The following GCFC2 variants were observed in gnomAD, a reference collection of about 807,000 sequenced individuals.
GCFC2 encodes the protein GC-rich sequence DNA-binding factor 2, also known as intron Large complex component GCFC2.
A neutral mutation model predicts 99.4 loss-of-function variants in GCFC2; 102 were observed. The ratio of observed to expected loss-of-function variants is 1.03; its 90% CI spans 0.87 to 1.21. GCFC2 has a LOEUF of 1.21. Among genes scored for constraint, GCFC2 ranks in the 50% most tolerant of loss-of-function variants. GCFC2 has a pLI of 0.00. For missense variants in GCFC2, 973 were observed against 920.9 expected (o/e 1.06, Z -0.73); for synonymous variants, 338 against 316.8 (o/e 1.07, Z -0.71).
chr2:75,689,151 A>G lies in GCFC2; in HGVS notation c.1414T>C (p.Leu472=). ...DDFCNIQNIL[L]KFQQWREKFP... is the part of the protein sequence containing the mutation. ...TTTTCTCGCCATTGCTGAAATTTCAACAAAATATTCTGGATGTTACAAAAA... is the reference window on the plus strand; with the variant it reads ...TTTTCTCGCCATTGCTGAAATTTCAGCAAAATATTCTGGATGTTACAAAAA... The change falls in exon 10 of 17, where the codon TTG becomes CTG. Residue 472 remains leucine, a synonymous_variant. Coordinates refer to ENST00000321027, the MANE Select transcript of GCFC2 (RefSeq NM_003203.5). The G allele has an allele frequency of 6.2e-7, 1 of 1,604,742 alleles. No individual in the cohort carries two copies. The highest frequency in any genetic ancestry group is 8.5e-7 in the Non-Finnish European group (1 of 1,172,768).
At chr2:75,686,356 C>A (rs917437017) in intron 11 of GCFC2, among the ~76,000 whole-genome samples, 2 of 152,122 alleles carry the variant, frequency 1.3e-5, no homozygotes, top group African/African-American at 4.8e-5. Flanking sequence ...CTGCCTCGGC[C>A]TTGCAAAGTG....
At chr2:75,712,518 G>C (rs1294426478), upstream of GCFC2, among the ~76,000 whole-genome samples, 1 of 152,196 alleles carries the variant, frequency 6.6e-6, no homozygotes, top group Non-Finnish European at 1.5e-5. Context: ...CAGGATGTGG[G>C]TGGGGCCAGA....
upstream of GCFC2, chr2:75,711,290 G>T: frequency 3.6e-6 from 3 of 839,266 alleles, no homozygotes; most frequent in Non-Finnish European, 4.3e-6. Flanking sequence ...TAAAACAAAC[G>T]AAACCCCAGC....
intron 1 of GCFC2, among the ~76,000 whole-genome samples, chr2:75,709,210 T>C (rs1282200154): frequency 6.6e-6 from 1 of 152,134 alleles, no homozygotes; most frequent in Non-Finnish European, 1.5e-5. Flanking sequence ...AAAAGCTCTT[T>C]GGAATCCTTA....
chr2:75,694,246 C>A lies in GCFC2; in HGVS notation c.1015G>T (p.Glu339Ter). The A allele has an allele frequency of 1.1e-6, 1 of 875,418 alleles. No individual in the cohort carries two copies. Among genetic ancestry groups the A allele is most frequent in the South Asian group, 1.8e-5 (1 of 55,652 alleles). 54.2% of individuals were successfully genotyped at this position (875,418 alleles called of 1,614,324 possible). ...YVENLIDCLN[E>*]KIINIQEIES... is the part of the protein sequence containing the mutation. ...AAATAAATATTGATATGTACCTTTT[C>A]ATTAAGGCAGTCAATTAAATTTTCC... is the stretch of plus-strand genomic sequence containing the variant. The change falls in exon 6 of 17, where the codon GAA becomes TAA. Residue 339 changes from glutamate (E) to a stop codon, truncating the protein, a stop_gained. Coordinates refer to ENST00000321027, the MANE Select transcript of GCFC2 (RefSeq NM_003203.5). LOFTEE classifies it high-confidence loss of function.
chr2:75,710,600 C>A lies in GCFC2; in HGVS notation c.256G>T (p.Glu86Ter), dbSNP rs760785073. The change falls in exon 1 of 17, where the codon GAA becomes TAA. Residue 86 changes from glutamate to a stop codon, truncating the protein, a stop_gained. Transcript: ENST00000321027. LOFTEE classifies it high-confidence loss of function. ...GCGTCTCCCTGGACACCTGAGCCTTCGTCCGCGCGGGGAGCCGCTTTGGTG... is the reference window on the plus strand; with the variant it reads ...GCGTCTCCCTGGACACCTGAGCCTTAGTCCGCGCGGGGAGCCGCTTTGGTG... ...RATKAAPRADEGSESRTLDVS... is the reference protein window; with the variant it reads ...RATKAAPRAD 4 of 1,514,350 alleles carry A rather than the reference C, an allele frequency of 2.6e-6. No individual in the cohort carries two copies. The African/African-American group carries it at 5.7e-5, about 22-fold the overall frequency. The allele number at this position is 1,514,350 out of a possible 1,614,324, so 93.8% of individuals were successfully genotyped here.
chr2:75,695,801 AGGCTGCT>A (rs1438125867), intron 5 of GCFC2, among the ~76,000 whole-genome samples: 1 of 152,232 alleles, frequency 6.6e-6, no homozygotes, highest in Admixed American at 6.5e-5. Flanking sequence ...TGTGACTAAC[AGGCTGCT>A]GGCTTACAGA....
At chr2:75,680,372 A>G in intron 11 of GCFC2, 58 bp from the exon 12 acceptor site, 1 of 1,439,060 alleles carries the variant, frequency 6.9e-7, no homozygotes, top group East Asian at 2.3e-5. Flanking sequence ...TGCTTTTCAT[A>G]TACAAATAAT....
intron 15 of GCFC2, 150 bp from the exon 16 acceptor site, chr2:75,666,203 G>A (rs1466599927): frequency 5.3e-6 from 3 of 568,126 alleles, no homozygotes; most frequent in East Asian, 6.2e-5. Context: ...TTCCCTTTGT[G>A]TCCAAGGCTA....
Position 75,663,964 on chromosome 2 carries a change from A to G in GCFC2, c.*702T>C, listed in dbSNP as rs1678718884. The G allele has an allele frequency of 6.6e-6, 1 of 152,226 alleles. No homozygotes were observed. Among genetic ancestry groups the G allele is most frequent in the Non-Finnish European group, 1.5e-5 (1 of 68,040 alleles). 9.4% of individuals were successfully genotyped at this position (152,226 alleles called of 1,614,324 possible). ...ATATCTTTAAAAATATAAAGGTCTT[A>G]AAGTCCATAAGAAAAAGATGGATAT... is the stretch of plus-strand genomic sequence containing the variant. On this transcript the variant is annotated 3_prime_UTR_variant, in exon 17 of 17. Transcript: ENST00000321027.
Position 75,702,230 on chromosome 2 carries a change from T to C in GCFC2, c.588A>G (p.Gln196=). 1 of 1,609,290 alleles carries C rather than the reference T, an allele frequency of 6.2e-7. No individual in the cohort carries two copies. The highest frequency in any genetic ancestry group is 1.1e-5 in the South Asian group (1 of 90,976). ...CCTCAGCCATCCTTTGTCTAAGTGT[T>C]TGAGGTCTTAGAGTAAATGGTATTC... is the stretch of plus-strand genomic sequence containing the variant. ...EKRIPFTLRP[Q]TLRQRMAEES... is the part of the protein sequence containing the mutation. The change falls in exon 3 of 17, where the codon CAA becomes CAG. Residue 196 remains glutamine (Q), a synonymous_variant. Coordinates refer to ENST00000321027, the MANE Select transcript of GCFC2 (RefSeq NM_003203.5).
chr2:75,668,591 A>G (rs181086544), intron 15 of GCFC2, among the ~76,000 whole-genome samples: 1 of 152,284 alleles, frequency 6.6e-6, no homozygotes, highest in East Asian at 1.9e-4. Flanking sequence ...AAATTCTTCA[A>G]AAACATAACT....
intron 12 of GCFC2, among the ~76,000 whole-genome samples, chr2:75,678,989 C>A (rs1042523565): frequency 1.3e-5 from 2 of 152,232 alleles, no homozygotes; most frequent in African/African-American, 4.8e-5. Context: ...ATCTGCCATA[C>A]CTGGCGATCA....
At chr2:75,692,817 T>G (rs1025449030) in intron 6 of GCFC2, among the ~76,000 whole-genome samples, 1 of 151,948 alleles carries the variant, frequency 6.6e-6, no homozygotes, top group African/African-American at 2.4e-5. Context: ...CTGGTGAAAT[T>G]TGAAAAATCG....
upstream of GCFC2, among the ~76,000 whole-genome samples, chr2:75,712,573 C>A (rs538720407): frequency 1.3e-5 from 2 of 152,156 alleles, no homozygotes; most frequent in Admixed American, 6.5e-5. Flanking sequence ...TGGCAACCCG[C>A]TCCGGTCCCC....
At chr2:75,665,853 ATCTT>A in intron 16 of GCFC2, 72 bp downstream of exon 16, 1 of 907,014 alleles carries the variant, frequency 1.1e-6, no homozygotes, top group Non-Finnish European at 1.6e-6. Context: ...AAAAATACAA[ATCTT>A]TCTAAAAGTT....
chr2:75,680,415 A>AT, intron 11 of GCFC2, 101 bp from the exon 12 acceptor site: 1 of 887,550 alleles, frequency 1.1e-6, no homozygotes, highest in Middle Eastern at 3.2e-4. Flanking sequence ...TTCCCTCCTT[A>AT]TTCAGTTTAA....
intron 12 of GCFC2, among the ~76,000 whole-genome samples, chr2:75,677,622 A>G (rs1679402923): frequency 6.6e-6 from 1 of 152,174 alleles, no homozygotes; most frequent in Non-Finnish European, 1.5e-5. Flanking sequence ...CCCTGATGTA[A>G]TCTATTCTCC....
Position 75,706,215 on chromosome 2 carries a change from G to C in GCFC2, c.394+308C>G, listed in dbSNP as rs757055945. Reference sequence around the variant, plus strand: ...TTCAGATATGCTACATCCTATACCTGAAACATCCTCCCTGACAAATTCTTA... The same window carrying C: ...TTCAGATATGCTACATCCTATACCTCAAACATCCTCCCTGACAAATTCTTA... On this transcript the variant is annotated intron_variant, in intron 2 of 16. Transcript: ENST00000321027. 1.0e-3 allele frequency among the ~76,000 whole-genome samples: 158 copies of C among 152,104 alleles called. 1 individual carries two copies. The highest frequency in any genetic ancestry group is 3.2e-4 in the Non-Finnish European group (22 of 68,022).
Sources: gnomAD v4.1 joint callset for allele counts (sites outside exome capture counted in the v4.1 genomes callset) on GRCh38, gnomAD v4.1.1 for gene constraint, MANE v1.5 for transcripts, NCBI Gene and HGNC (gene_info 2026-07-23, HGNC 2026-07-21) for gene names.